Variants in TBC1D10B observed in about 807,000 individuals in gnomAD.
TBC1D10B encodes TBC1 domain family member 10B.
A neutral mutation model predicts 78.4 loss-of-function variants in TBC1D10B; 25 were observed. The observed-to-expected ratio is 0.32, with a 90% CI of 0.23 to 0.45. The LOEUF (loss-of-function observed/expected upper bound fraction) is 0.45, where lower values mean the gene tolerates loss of function less well. Ranked by LOEUF, TBC1D10B falls within the 20% of genes least tolerant of loss-of-function variation. The probability of loss-of-function intolerance (pLI) is 1.00; values close to 1 mark genes in which losing one functional copy is unlikely to be tolerated. For missense variants in TBC1D10B, 996 were observed against 1,104.8 expected (o/e 0.90, Z 1.40); for synonymous variants, 517 against 478.0 (o/e 1.08, Z -1.06).
At position 30,357,941 on chromosome 16, in the gene TBC1D10B, A is replaced by C. The variant is rs769610122; in HGVS notation, c.*3T>G. ...GCCATGCAGTCCAGCCCCAGGGCAG[A>C]GGTCAGAAGTAAGCGTCCTGCCGGG... is the stretch of plus-strand genomic sequence containing the variant. On this transcript the variant is annotated 3_prime_UTR_variant, in exon 9 of 9. Coordinates refer to ENST00000409939, the MANE Select transcript of TBC1D10B (RefSeq NM_015527.4). The C allele has an allele frequency of 2.4e-5, 37 of 1,548,440 alleles. No individual in the cohort carries two copies. Among genetic ancestry groups the C allele is most frequent in the Non-Finnish European group, 3.1e-5 (35 of 1,145,366 alleles).
At chr16:30,360,982 TA>T (rs80106861) in intron 4 of TBC1D10B, among the ~76,000 whole-genome samples, 416 of 144,232 alleles carry the variant, frequency 2.9e-3, no homozygotes, top group Middle Eastern at 3.5e-3. Flanking sequence ...TATTTGAGTT[TA>T]AAAAAAAAAA....
Position 30,369,225 on chromosome 16 carries a change from C to A in TBC1D10B, c.956+3G>T. The stretch of plus-strand genomic sequence containing the variant: ...GTCCCGCTGGGTGCCCACTGGTACT[C>A]ACAGGCTGCCCGAGTACTGGCTGCC... On this transcript the variant is annotated splice_donor_region_variant and intron_variant, in intron 1 of 8. Coordinates refer to ENST00000409939, the MANE Select transcript of TBC1D10B (RefSeq NM_015527.4). The surrounding 1 kb of genome is among the most constrained non-coding windows in gnomAD (Gnocchi z 4.3). 6.4e-7 allele frequency: 1 copy of A among 1,574,538 alleles called. No homozygotes were observed. The highest frequency in any genetic ancestry group is 1.8e-5 in the Admixed American group (1 of 55,368).
At chr16:30,359,492 G>A in intron 6 of TBC1D10B, 46 bp downstream of exon 6, 2 of 1,552,362 alleles carry the variant, frequency 1.3e-6, no homozygotes, top group Non-Finnish European at 1.7e-6. Context: ...CTGCAGCCTG[G>A]AGGAAACGCC....
In TBC1D10B at chr16:30,358,425, T is replaced by G; in HGVS notation, c.1946A>C (p.Gln649Pro). 2 of 1,581,458 alleles carry G rather than the reference T, an allele frequency of 1.3e-6. No individual in the cohort carries two copies. The highest frequency in any genetic ancestry group is 1.7e-6 in the Non-Finnish European group (2 of 1,164,456). The change falls in exon 9 of 9, where the codon CAA becomes CCA. Residue 649 changes from glutamine (Q) to proline (P), a missense_variant. This residue lies in a region of TBC1D10B where 285 missense variants were observed against 252.5 expected (regional missense o/e 1.13). Transcript: ENST00000409939. ...SRAIHEERRR[Q>P]QPPLGPSSSL... ...GGAGGAGGGGCCCAGGGGTGGCTGT[T>G]GCCGCCGGCGCTCCTCGTGGATGGC... is the stretch of plus-strand genomic sequence containing the variant.
intron 7 of TBC1D10B, 118 bp downstream of exon 7, chr16:30,359,054 G>A (rs1160781324): frequency 1.0e-5 from 14 of 1,354,744 alleles, no homozygotes; most frequent in African/African-American, 5.9e-5. Flanking sequence ...AGCTGCTTAT[G>A]GTGAAACCTC....
Position 30,365,838 on chromosome 16 carries a change from G to T in TBC1D10B, c.957-244C>A. 2.0e-6 allele frequency: 1 copy of T among 494,914 alleles called. No homozygotes were observed. The highest frequency in any genetic ancestry group is 3.6e-5 in the East Asian group (1 of 27,954). The allele number at this position is 494,914 out of a possible 1,614,324, so 30.7% of individuals were successfully genotyped here. On this transcript the variant is annotated intron_variant, in intron 1 of 8. Transcript: ENST00000409939. This position sits in a 1 kb window ranked among gnomAD's most constrained non-coding sequence, Gnocchi z 5.0. Reference sequence around the variant, plus strand: ...CACTTCTGACACATCCAAATCTGGGGAGAGAGTATGGAGTATTTTAAAGCC... The same window carrying T: ...CACTTCTGACACATCCAAATCTGGGTAGAGAGTATGGAGTATTTTAAAGCC...
intron 4 of TBC1D10B, among the ~76,000 whole-genome samples, chr16:30,364,526 C>T (rs941573052): frequency 3.9e-5 from 6 of 152,312 alleles, no homozygotes; most frequent in African/African-American, 1.4e-4. Context: ...ATACTGACAT[C>T]TGGAGGAAGC....
rs201424259 is a variant in TBC1D10B at position 30,369,810 on chromosome 16, G to A, written c.374C>T (p.Ala125Val). Residue 125 changes from alanine (A) to valine (V), a missense_variant, in exon 1 of 9, where the codon GCT (alanine) becomes GTT (valine). Transcript: ENST00000409939. This position sits in a 1 kb window ranked among gnomAD's most constrained non-coding sequence, Gnocchi z 4.3. ...CGGCGAGTCTGCCCCTGCGGCCAGAGCCCTCGATGTCTCAACTCCAGCCAC... is the reference window on the plus strand; with the variant it reads ...CGGCGAGTCTGCCCCTGCGGCCAGAACCCTCGATGTCTCAACTCCAGCCAC... ...AAVAGVETSR[A>V]LAAGADSPKT... The A allele has an allele frequency of 4.2e-4, 595 of 1,423,598 alleles. 1 individual carries two copies. The highest frequency in any genetic ancestry group is 6.1e-4 in the Admixed American group (20 of 32,556). The allele number at this position is 1,423,598 out of a possible 1,614,324, so 88.2% of individuals were successfully genotyped here.
In TBC1D10B at chr16:30,358,828, G is replaced by A. The variant is rs994506649; in HGVS notation, c.1643-11C>T. On this transcript the variant is annotated splice_polypyrimidine_tract_variant and intron_variant, in intron 7 of 8. Coordinates refer to ENST00000409939, the MANE Select transcript of TBC1D10B (RefSeq NM_015527.4). ...AGATGATCTTAACGCCTGCAGGGGTGGAGAGTAGAGAGCATGGGGTGGTCA... is the reference window on the plus strand; with the variant it reads ...AGATGATCTTAACGCCTGCAGGGGTAGAGAGTAGAGAGCATGGGGTGGTCA... 3 of 1,599,114 alleles carry A rather than the reference G, an allele frequency of 1.9e-6. No homozygotes were observed. The highest frequency in any genetic ancestry group is 1.7e-5 in the Admixed American group (1 of 58,322).
chr16:30,361,849 C>T (rs2049600981), intron 4 of TBC1D10B, among the ~76,000 whole-genome samples: 1 of 150,792 alleles, frequency 6.6e-6, no homozygotes, highest in Non-Finnish European at 1.5e-5. Flanking sequence ...CCACACCAAG[C>T]TAATTTTTTT....
intron 4 of TBC1D10B, among the ~76,000 whole-genome samples, chr16:30,364,351 G>C (rs897180928): frequency 2.6e-5 from 4 of 152,040 alleles, no homozygotes; most frequent in African/African-American, 9.7e-5. Flanking sequence ...TGAGGCATGA[G>C]AATTGCTTGT....
At position 30,370,268 on chromosome 16, in the gene TBC1D10B, A is replaced by G; in HGVS notation, c.-85T>C. 1 of 727,088 alleles carries G rather than the reference A, an allele frequency of 1.4e-6. No homozygotes were observed. Among genetic ancestry groups the G allele is most frequent in the African/African-American group, 1.9e-5 (1 of 52,696 alleles). 45.0% of individuals were successfully genotyped at this position (727,088 alleles called of 1,614,324 possible). Reference sequence around the variant, plus strand: ...GGGCCTCCCGGCGAGGCCAGCCGAGAAAGGGGAGAGGGCGAAGGGCGCGGC... The same window carrying G: ...GGGCCTCCCGGCGAGGCCAGCCGAGGAAGGGGAGAGGGCGAAGGGCGCGGC... On this transcript the variant is annotated 5_prime_UTR_variant, in exon 1 of 9. Transcript: ENST00000409939.
intron 6 of TBC1D10B, 57 bp from the exon 7 acceptor site, chr16:30,359,418 G>A: frequency 3.9e-6 from 6 of 1,547,452 alleles, no homozygotes; most frequent in Non-Finnish European, 4.4e-6. Context: ...CCCATCAGGG[G>A]AGAACTGGCC....
intron 4 of TBC1D10B, among the ~76,000 whole-genome samples, chr16:30,360,540 G>A (rs2049592386): frequency 6.6e-6 from 1 of 152,000 alleles, no homozygotes; most frequent in African/African-American, 2.4e-5. Flanking sequence ...CCTGCCTCCA[G>A]TCTCACACAT....
At position 30,358,148 on chromosome 16, in the gene TBC1D10B, C is replaced by T; in HGVS notation, c.2223G>A (p.Glu741=). 1 of 1,549,566 alleles carries T rather than the reference C, an allele frequency of 6.5e-7. No homozygotes were observed. The stretch of plus-strand genomic sequence containing the variant: ...CCTGCTTCTGCCGCTCCTTCTCCCG[C>T]TCCTTCTCCTGTTTCTGCCGCTCCT... The part of the protein sequence containing the change: ...QEKERQKQEK[E]REKERQKQEK... Residue 741 remains glutamate, a synonymous_variant, in exon 9 of 9, where the codon GAG becomes GAA. Coordinates refer to ENST00000409939, the MANE Select transcript of TBC1D10B (RefSeq NM_015527.4).
In TBC1D10B at chr16:30,358,588, A is replaced by G; in HGVS notation, c.1798-15T>C. ...AGATTGGTCACCTGCACAGAGAGGAAATGCGTACCAGAATGGAGCTGAGGG... is the reference window on the plus strand; with the variant it reads ...AGATTGGTCACCTGCACAGAGAGGAGATGCGTACCAGAATGGAGCTGAGGG... On this transcript the variant is annotated splice_polypyrimidine_tract_variant and intron_variant, in intron 8 of 8. Coordinates refer to ENST00000409939, the MANE Select transcript of TBC1D10B (RefSeq NM_015527.4). 1 of 1,592,660 alleles carries G rather than the reference A, an allele frequency of 6.3e-7. No individual in the cohort carries two copies. The highest frequency in any genetic ancestry group is 8.6e-7 in the Non-Finnish European group (1 of 1,164,638).
intron 8 of TBC1D10B, 39 bp downstream of exon 8, chr16:30,358,624 C>CTGAGGCAGGCAGGGGCTGCGT (rs1226528072): frequency 6.3e-7 from 1 of 1,588,556 alleles, no homozygotes; most frequent in South Asian, 1.1e-5. Flanking sequence ...TGGGAGCGGG[C>CTGAGGCAGGCAGGGGCTGCGT]TGAGGCAGGC....
rs1371184029 is a variant in TBC1D10B, at chr16:30,369,567, G to T, written c.617C>A (p.Ala206Glu). The change falls in exon 1 of 9, where the codon GCA becomes GAA. Residue 206 changes from alanine to glutamate, a missense_variant. Ala to Glu is a moderately radical substitution (Grantham distance 107). Around this residue, in one of 5 missense-constraint regions of TBC1D10B, gnomAD observed 448 missense variants for 442.1 expected, o/e 1.01. Coordinates refer to ENST00000409939, the MANE Select transcript of TBC1D10B (RefSeq NM_015527.4). This position sits in a 1 kb window ranked among gnomAD's most constrained non-coding sequence, Gnocchi z 4.3. The stretch of plus-strand genomic sequence containing the variant: ...TGAGGGGTCCTCAGGAGCCTGTCCT[G>T]CTGATGCTGATGTTGCTGCGGCAGC... ...HGAAAATSAS[A>E]GQAPEDPSGP... The T allele has an allele frequency of 6.5e-7, 1 of 1,534,192 alleles. No individual in the cohort carries two copies. The highest frequency in any genetic ancestry group is 8.8e-7 in the Non-Finnish European group (1 of 1,137,756).
Position 30,358,593 on chromosome 16 carries a change from G to A in TBC1D10B, c.1798-20C>T, listed in dbSNP as rs763060130. ...GGTCACCTGCACAGAGAGGAAATGC[G>A]TACCAGAATGGAGCTGAGGGTGGGA... is the stretch of plus-strand genomic sequence containing the variant. On this transcript the variant is annotated intron_variant, in intron 8 of 8. Transcript: ENST00000409939. The A allele has an allele frequency of 2.0e-5, 32 of 1,591,344 alleles. No individual in the cohort carries two copies. Among genetic ancestry groups the A allele is most frequent in the Non-Finnish European group, 2.7e-5 (31 of 1,163,904 alleles).
Sources: allele counts gnomAD v4.1 joint callset (sites outside exome capture counted in the v4.1 genomes callset), GRCh38; gene constraint gnomAD v4.1.1; regional missense constraint gnomAD v4.1.1; non-coding constraint Gnocchi (gnomAD v3.1); transcripts MANE v1.5; gene names NCBI Gene and HGNC (gene_info 2026-07-23, HGNC 2026-07-21).